Variants in ZC3H13 observed in about 807,000 individuals in gnomAD.
ZC3H13 encodes the protein zinc finger CCCH domain-containing protein 13.
ZC3H13 carries 64 observed loss-of-function variants against 204.1 expected under a neutral mutation model. The ratio of observed to expected loss-of-function variants is 0.31; its 90% CI spans 0.26 to 0.39. ZC3H13 has a LOEUF of 0.39. Ranked by LOEUF, ZC3H13 falls within the 10% of genes least tolerant of loss-of-function variation. The pLI, the probability that ZC3H13 is intolerant of heterozygous loss-of-function variation, is 1.00. For synonymous variants in ZC3H13, 667 were observed against 693.7 expected, an observed-to-expected ratio of 0.96 and a Z score of 0.60; for missense variants, 1,833 against 2,082.7, an observed-to-expected ratio of 0.88 and a Z score of 2.33.
chr13:46,042,051 T>C (rs1201320664), intron 4 of ZC3H13, 113 bp downstream of exon 4: 3 of 787,960 alleles, frequency 3.8e-6, no homozygotes, highest in African/African-American at 3.5e-5. Context: ...TATAGAACAT[T>C]ATAATGCCGT....
intron 3 of ZC3H13, among the ~76,000 whole-genome samples, chr13:46,043,052 G>GA (rs1189236391): frequency 6.6e-6 from 1 of 151,738 alleles, no homozygotes; most frequent in Non-Finnish European, 1.5e-5. Flanking sequence ...CTATCAGTGG[G>GA]AAAAAACAAA....
chr13:45,975,449 G>GCTCTCT lies in ZC3H13; in HGVS notation c.2296_2301dup (p.Glu775_Arg776dup), dbSNP rs781160772. The GCTCTCT allele has an allele frequency of 1.9e-6, 3 of 1,608,876 alleles. No homozygotes were observed. The African/African-American group carries it at 4.1e-5, about 22-fold the overall frequency. On this transcript the variant is annotated inframe_insertion, in exon 12 of 19. Coordinates refer to ENST00000679008, the MANE Select transcript of ZC3H13 (RefSeq NM_001330564.2). ...CTTTCTCGTTCCCGTTCTCGCTCTCGCTCTCTCTCCCGTTCTCGCTCTCTC... is the reference window on the plus strand; with the variant it reads ...CTTTCTCGTTCCCGTTCTCGCTCTCGCTCTCTCTCTCTCTCCCGTTCTCGCTCTCTC...
chr13:45,990,987 T>C (rs1214899606), intron 8 of ZC3H13, among the ~76,000 whole-genome samples: 3 of 152,104 alleles, frequency 2.0e-5, no homozygotes, highest in Non-Finnish European at 4.4e-5. Context: ...TTATTTTTTA[T>C]AGAGACGAGG....
At chr13:46,002,780 G>C (rs1455156582) in intron 8 of ZC3H13, among the ~76,000 whole-genome samples, 2 of 152,148 alleles carry the variant, frequency 1.3e-5, no homozygotes, top group Non-Finnish European at 2.9e-5. Flanking sequence ...TGGAAAGGGG[G>C]AGTTATTTTT....
At chr13:46,034,057 T>C (rs2043062301) in intron 4 of ZC3H13, among the ~76,000 whole-genome samples, 1 of 152,042 alleles carries the variant, frequency 6.6e-6, no homozygotes, top group Admixed American at 6.5e-5. Context: ...CCAATAAACA[T>C]ATGAAAAGAT....
chr13:46,044,910 G>C, intron 3 of ZC3H13, 45 bp downstream of exon 3: 1 of 1,363,628 alleles, frequency 7.3e-7, no homozygotes, highest in Non-Finnish European at 9.9e-7. Flanking sequence ...AATTACAAAA[G>C]CCATCTTCTA....
chr13:45,958,434 A>G (rs1475223601), intron 18 of ZC3H13, among the ~76,000 whole-genome samples: 1 of 152,148 alleles, frequency 6.6e-6, no homozygotes, highest in East Asian at 1.9e-4. Context: ...TTTGGACCAG[A>G]AATGTTTCAG....
At chr13:46,011,654 A>G (rs1199953266) in intron 5 of ZC3H13, 100 bp from the exon 6 acceptor site, 9 of 881,240 alleles carry the variant, frequency 1.0e-5, no homozygotes, top group African/African-American at 1.7e-5. Context: ...AAATCTAAAT[A>G]GCAGAGTCTT....
rs1437478458 is a variant in ZC3H13 at position 45,955,915 on chromosome 13, G to C, written c.*1212C>G. On this transcript the variant is annotated 3_prime_UTR_variant, in exon 19 of 19. Coordinates refer to ENST00000679008, the MANE Select transcript of ZC3H13 (RefSeq NM_001330564.2). ...CAAAACTACTAACACAAGTAATATG[G>C]GCTTACAATTATAACACAAACCTGT... The C allele has an allele frequency of 6.6e-6, 1 of 151,910 alleles. No individual in the cohort carries two copies. The allele number at this position is 151,910 out of a possible 1,614,324, so 9.4% of individuals were successfully genotyped here. A position where few individuals can be genotyped will look rare whatever the true frequency, so the allele number is the denominator to read the frequency against.
At chr13:46,029,651 A>C (rs1010873457) in intron 4 of ZC3H13, among the ~76,000 whole-genome samples, 19 of 151,658 alleles carry the variant, frequency 1.3e-4, no homozygotes. Context: ...GATGGTCTCG[A>C]TCTCCTGACC....
chr13:46,017,139 T>C (rs1000856588), intron 5 of ZC3H13, among the ~76,000 whole-genome samples: 6 of 152,090 alleles, frequency 3.9e-5, no homozygotes, highest in Admixed American at 6.6e-5. Context: ...GGTGCATGAT[T>C]TCATCTAGAA....
intron 4 of ZC3H13, among the ~76,000 whole-genome samples, chr13:46,039,990 G>A (rs1054536383): frequency 2.0e-5 from 3 of 152,054 alleles, no homozygotes; most frequent in Admixed American, 6.6e-5. Context: ...CTGTTATTCT[G>A]AATCAATAGG....
intron 4 of ZC3H13, among the ~76,000 whole-genome samples, chr13:46,038,824 C>T (rs2043375465): frequency 6.6e-6 from 1 of 152,086 alleles, no homozygotes; most frequent in African/African-American, 2.4e-5. Flanking sequence ...AGTTCAAGAC[C>T]AGCCTGCCCA....
intron 8 of ZC3H13, among the ~76,000 whole-genome samples, chr13:45,999,193 T>C (rs1415580778): frequency 6.6e-6 from 1 of 152,094 alleles, no homozygotes; most frequent in Admixed American, 6.6e-5. Context: ...TACAATGAGC[T>C]GAGATGGCGC....
At chr13:46,051,777 C>T (rs2044442497) in intron 1 of ZC3H13, among the ~76,000 whole-genome samples, 1 of 152,120 alleles carries the variant, frequency 6.6e-6, no homozygotes, top group Admixed American at 6.5e-5. Context: ...TCACAAACAA[C>T]ATCTTACCAA....
intron 1 of ZC3H13, among the ~76,000 whole-genome samples, chr13:46,046,502 C>CAAAAAAAAAA (rs1289336036): frequency 8.0e-6 from 1 of 125,670 alleles, no homozygotes; most frequent in African/African-American, 3.1e-5. Context: ...ACTAAAAATA[C>CAAAAAAAAAA]AAAAAAAAAA....
chr13:46,033,750 G>A (rs2043041218), intron 4 of ZC3H13, among the ~76,000 whole-genome samples: 1 of 151,980 alleles, frequency 6.6e-6, no homozygotes, highest in Non-Finnish European at 1.5e-5. Flanking sequence ...AATGTGCTGG[G>A]AATACGTGAT....
In ZC3H13 at chr13:45,968,866, T is replaced by A. The variant is rs1173993656; in HGVS notation, c.3678A>T (p.Arg1226Ser). Residue 1226 changes from arginine to serine, a missense_variant, in exon 14 of 19, where the codon AGA becomes AGT. Physicochemically the swap from Arg to Ser is moderately radical, Grantham distance 110. This residue lies in a region of ZC3H13 where 1,574 missense variants were observed against 1,757.2 expected (regional missense o/e 0.90). Transcript: ENST00000679008. The part of the protein sequence containing the change: ...RSGDDQSGRK[R>S]VLHSGSRDRE... ...TATCTCTTGAGCCACTGTGCAGTACTCTCTTTCGACCACTTTGGTCATCTC... is the reference window on the plus strand; with the variant it reads ...TATCTCTTGAGCCACTGTGCAGTACACTCTTTCGACCACTTTGGTCATCTC... 1 of 1,614,052 alleles carries A rather than the reference T, an allele frequency of 6.2e-7. No individual in the cohort carries two copies. The highest frequency in any genetic ancestry group is 1.3e-5 in the African/African-American group (1 of 74,912).
At chr13:45,990,957 C>T (rs1593568579) in intron 8 of ZC3H13, among the ~76,000 whole-genome samples, 1 of 152,154 alleles carries the variant, frequency 6.6e-6, no homozygotes, top group African/African-American at 2.4e-5. Flanking sequence ...GCACATGCCA[C>T]CACACTCAGC....
Sources: allele counts gnomAD v4.1 joint callset (sites outside exome capture counted in the v4.1 genomes callset), GRCh38; gene constraint gnomAD v4.1.1; regional missense constraint gnomAD v4.1.1; transcripts MANE v1.5; gene names NCBI Gene and HGNC (gene_info 2026-07-23, HGNC 2026-07-21).